The following EYA4 variants were observed in gnomAD, a reference collection of about 807,000 sequenced individuals.
The protein encoded by EYA4 is protein phosphatase EYA4.
A neutral mutation model predicts 87.9 loss-of-function variants in EYA4; 31 were observed. That is an observed-to-expected ratio of 0.35 (90% CI 0.27 to 0.48). EYA4 has a LOEUF of 0.48. Among genes scored for constraint, EYA4 ranks in the 20% least tolerant of loss-of-function variants. The probability of loss-of-function intolerance (pLI) is 0.99; values close to 1 mark genes in which losing one functional copy is unlikely to be tolerated. For synonymous variants in EYA4, 263 were observed against 270.6 expected, an observed-to-expected ratio of 0.97 and a Z score of 0.28; for missense variants, 678 against 761.4, an observed-to-expected ratio of 0.89 and a Z score of 1.29.
intron 2 of EYA4, among the ~76,000 whole-genome samples, chr6:133,292,707 A>G (rs1387986240): frequency 6.6e-6 from 1 of 152,218 alleles, no homozygotes; most frequent in Non-Finnish European, 1.5e-5. Flanking sequence ...ATGTTTTTAA[A>G]ACATTAAAGC....
At position 133,390,857 on chromosome 6, in the gene EYA4, G is replaced by A. The variant is rs138907620; in HGVS notation, c.83+8416G>A. On this transcript the variant is annotated intron_variant, in intron 3 of 19. Transcript: ENST00000355286. ...GCACCAGAGTGCAGTTTGAGCACTGGGGGTTAGTGTGGTTAGGAAGGGCTT... is the reference window on the plus strand; with the variant it reads ...GCACCAGAGTGCAGTTTGAGCACTGAGGGTTAGTGTGGTTAGGAAGGGCTT... 1.8e-3 allele frequency among the ~76,000 whole-genome samples: 269 copies of A among 152,288 alleles called. 1 individual carries two copies. Among genetic ancestry groups the A allele is most frequent in the African/African-American group, 5.8e-3 (240 of 41,556 alleles).
intron 3 of EYA4, among the ~76,000 whole-genome samples, chr6:133,394,571 A>G (rs1306671464): frequency 1.4e-5 from 2 of 145,868 alleles, no homozygotes; most frequent in African/African-American, 5.3e-5. Flanking sequence ...TTACAGAGAG[A>G]AAAAAAAAAG....
intron 2 of EYA4, among the ~76,000 whole-genome samples, chr6:133,341,746 C>T (rs34353709): frequency 0.094 from 14,306 of 152,034 alleles, 778 homozygotes; most frequent in South Asian, 0.13. Context: ...CACTGTTTCT[C>T]ACCAACTATG....
chr6:133,391,400 C>A (rs752146437), intron 3 of EYA4, among the ~76,000 whole-genome samples: 29 of 151,978 alleles, frequency 1.9e-4, no homozygotes, highest in Non-Finnish European at 3.7e-4. Context: ...GGATTAATTT[C>A]TTAACTCGGG....
intron 5 of EYA4, 152 bp from the exon 6 acceptor site, chr6:133,456,404 C>T (rs982615902): frequency 1.5e-5 from 10 of 681,614 alleles, no homozygotes; most frequent in Middle Eastern, 6.8e-4. Flanking sequence ...AATGCATGCC[C>T]GTTTAGAAGC....
intron 3 of EYA4, among the ~76,000 whole-genome samples, chr6:133,383,290 G>T (rs1420204604): frequency 6.6e-6 from 1 of 152,022 alleles, no homozygotes; most frequent in East Asian, 1.9e-4. Flanking sequence ...CAAGGTGGGT[G>T]GATCACCTGA....
intron 11 of EYA4, among the ~76,000 whole-genome samples, chr6:133,474,429 G>A (rs978868845): frequency 6.6e-6 from 1 of 152,022 alleles, no homozygotes; most frequent in African/African-American, 2.4e-5. Context: ...TGTGACTTTG[G>A]ATGTGACACA....
chr6:133,375,048 T>C (rs1785568080), intron 2 of EYA4, among the ~76,000 whole-genome samples: 1 of 151,996 alleles, frequency 6.6e-6, no homozygotes, highest in Non-Finnish European at 1.5e-5. Context: ...GTTGCAAAGA[T>C]TTAATGTTTC....
intron 2 of EYA4, among the ~76,000 whole-genome samples, chr6:133,313,481 A>G (rs1469730444): frequency 6.6e-6 from 1 of 152,158 alleles, no homozygotes; most frequent in Non-Finnish European, 1.5e-5. Flanking sequence ...TTTTAATTTT[A>G]TCTCCCATTC....
intron 13 of EYA4, among the ~76,000 whole-genome samples, chr6:133,489,242 C>T (rs1458974580): frequency 5.3e-5 from 8 of 151,818 alleles, no homozygotes; most frequent in Non-Finnish European, 8.8e-5. Flanking sequence ...ACGAATGAAG[C>T]GCACCTACAA....
chr6:133,427,166 T>G lies in EYA4; in HGVS notation c.84-19464T>G, dbSNP rs1790749033. On this transcript the variant is annotated intron_variant, in intron 3 of 19. Coordinates refer to ENST00000355286, the MANE Select transcript of EYA4 (RefSeq NM_004100.5). ...TCATTTCCTCGGAAGAAAAGCACTTTGAAGAAAGTATGAACAAATTTGAAT... is the reference window on the plus strand; with the variant it reads ...TCATTTCCTCGGAAGAAAAGCACTTGGAAGAAAGTATGAACAAATTTGAAT... Among the ~76,000 whole-genome samples, 4 of 152,328 alleles carry G rather than the reference T, an allele frequency of 2.6e-5. No homozygotes were observed. The South Asian group carries it at 8.3e-4, about 32-fold the overall frequency.
At chr6:133,491,508 G>T (rs1283907573) in intron 13 of EYA4, among the ~76,000 whole-genome samples, 2 of 152,120 alleles carry the variant, frequency 1.3e-5, no homozygotes, top group Non-Finnish European at 2.9e-5. Context: ...TATTCTTAGA[G>T]GCTACTGTGA....
chr6:133,282,085 T>C (rs9493581), intron 2 of EYA4, among the ~76,000 whole-genome samples: 37,994 of 152,076 alleles, frequency 0.25, 5,710 homozygotes, highest in East Asian at 0.48. Flanking sequence ...TAGAATGGTT[T>C]CTTTTCCTTT....
At chr6:133,516,722 C>CAAAA (rs58268978) in intron 17 of EYA4, among the ~76,000 whole-genome samples, 8 of 122,902 alleles carry the variant, frequency 6.5e-5, no homozygotes, top group South Asian at 5.2e-4. Flanking sequence ...GACTCTGTCT[C>CAAAA]AAAAAAAAAA....
intron 3 of EYA4, among the ~76,000 whole-genome samples, chr6:133,443,268 C>T (rs1002522696): frequency 1.3e-5 from 2 of 151,588 alleles, no homozygotes; most frequent in South Asian, 4.2e-4. Flanking sequence ...CCATATGGCC[C>T]TGGAGGTTTT....
At position 133,483,692 on chromosome 6, in the gene EYA4, T is replaced by TG. The variant is rs1796430798; in HGVS notation, c.1191+577_1191+578insG. On this transcript the variant is annotated intron_variant, in intron 13 of 19. Coordinates refer to ENST00000355286, the MANE Select transcript of EYA4 (RefSeq NM_004100.5). ...TTTATTTTCTCTTTTATTTATTTAT[T>TG]TCATTGTTATTATTATTATTATTAT... 2.3e-5 allele frequency among the ~76,000 whole-genome samples: 3 copies of TG among 130,700 alleles called. No individual in the cohort carries two copies. In the Admixed American group the frequency reaches 2.6e-4, roughly 12 times the overall value. The allele number at this position is 130,700 out of a possible 152,430, so 85.7% of individuals were successfully genotyped here. A position where few individuals can be genotyped will look rare whatever the true frequency, so the allele number is the denominator to read the frequency against.
chr6:133,499,004 T>TAG (rs1797875159), intron 13 of EYA4, among the ~76,000 whole-genome samples: 4 of 152,198 alleles, frequency 2.6e-5, no homozygotes, highest in African/African-American at 9.6e-5. Context: ...GGGAAAGATC[T>TAG]TGAAAGGACA....
At chr6:133,431,930 A>G (rs1221094439) in intron 3 of EYA4, among the ~76,000 whole-genome samples, 1 of 145,084 alleles carries the variant, frequency 6.9e-6, no homozygotes, top group African/African-American at 2.6e-5. Context: ...TGAGCCCAAT[A>G]AAATAGTCCA....
At chr6:133,414,482 C>T (rs1363430588) in intron 3 of EYA4, among the ~76,000 whole-genome samples, 1 of 152,166 alleles carries the variant, frequency 6.6e-6, no homozygotes, top group Non-Finnish European at 1.5e-5. Flanking sequence ...GCTTCTCATT[C>T]CTCACTGTAT....
Sources: gnomAD v4.1 joint callset for allele counts (sites outside exome capture counted in the v4.1 genomes callset) on GRCh38, gnomAD v4.1.1 for gene constraint, MANE v1.5 for transcripts, NCBI Gene and HGNC (gene_info 2026-07-23, HGNC 2026-07-21) for gene names.